The following GARRE1 variants were observed in gnomAD, a reference collection of about 807,000 sequenced individuals.
GARRE1 encodes granule associated Rac and RHOG effector protein 1.
A neutral mutation model predicts 103.2 loss-of-function variants in GARRE1; 49 were observed. The ratio of observed to expected loss-of-function variants is 0.47; its 90% CI spans 0.38 to 0.60. GARRE1 has a LOEUF of 0.60. GARRE1 is among the 20% of genes least tolerant of loss of function. The pLI is 0.00. For synonymous variants in GARRE1, 505 were observed against 532.8 expected (o/e 0.95, Z 0.72); for missense variants, 1,199 against 1,370.5 (o/e 0.87, Z 1.98).
intron 1 of GARRE1, among the ~76,000 whole-genome samples, chr19:34,271,953 A>G (rs138236390): frequency 1.5e-4 from 23 of 152,284 alleles, no homozygotes; most frequent in African/African-American, 5.1e-4. Flanking sequence ...CTGGAAGTCA[A>G]TTTCCTTGGA....
At chr19:34,323,459 AT>A (rs2074098761) in intron 3 of GARRE1, among the ~76,000 whole-genome samples, 1 of 151,828 alleles carries the variant, frequency 6.6e-6, no homozygotes, top group African/African-American at 2.4e-5. Context: ...CATTGTTGTC[AT>A]TTCTTTTTAA....
chr19:34,315,730 AAAG>A (rs1283120536), intron 2 of GARRE1, among the ~76,000 whole-genome samples: 4 of 151,694 alleles, frequency 2.6e-5, no homozygotes, highest in African/African-American at 7.3e-5. Flanking sequence ...AAAAAAAAAA[AAAG>A]GGTAGTTTTT....
chr19:34,291,906 C>T (rs2073920116), intron 1 of GARRE1, among the ~76,000 whole-genome samples: 1 of 151,244 alleles, frequency 6.6e-6, no homozygotes. Context: ...CTCGCCCAGG[C>T]TGGAGTACAG....
At chr19:34,305,442 T>C (rs2074003346) in intron 2 of GARRE1, among the ~76,000 whole-genome samples, 1 of 152,240 alleles carries the variant, frequency 6.6e-6, no homozygotes, top group Non-Finnish European at 1.5e-5. Flanking sequence ...CACCCCATGA[T>C]GACATAGCGC....
At chr19:34,333,582 A>G (rs531507294) in intron 7 of GARRE1, 122 bp from the exon 8 acceptor site, 77 of 645,016 alleles carry the variant, frequency 1.2e-4, no homozygotes, top group Non-Finnish European at 1.8e-4. Context: ...TGGCCTTGGC[A>G]TAACTAGGCT....
Position 34,352,965 on chromosome 19 carries a change from A to G in GARRE1, c.*10A>G, listed in dbSNP as rs1463692474. The G allele has an allele frequency of 5.6e-6, 8 of 1,418,472 alleles. No individual in the cohort carries two copies. The highest frequency in any genetic ancestry group is 2.3e-5 in the African/African-American group (1 of 44,392). 87.9% of individuals were successfully genotyped at this position (1,418,472 alleles called of 1,614,324 possible). A position where few individuals can be genotyped will look rare whatever the true frequency, so the allele number is the denominator to read the frequency against. ...TCTGCCCCAGTACTGACCCCAGGCCAGCCAGCCTGCCTGCCTGCCTGCCTG... is the reference window on the plus strand; with the variant it reads ...TCTGCCCCAGTACTGACCCCAGGCCGGCCAGCCTGCCTGCCTGCCTGCCTG... On this transcript the variant is annotated 3_prime_UTR_variant, in exon 14 of 14. Transcript: ENST00000299505.
rs551066124 is a variant in GARRE1 at position 34,269,302 on chromosome 19, T to TGTCTCCTTTCCCACTGCATCC, written c.-796+14689_-796+14709dup. On this transcript the variant is annotated intron_variant, in intron 1 of 13. Coordinates refer to ENST00000299505, the MANE Select transcript of GARRE1 (RefSeq NM_014686.5). ...ATTGGTAGCGAGCCGGTGCTGCATC[T>TGTCTCCTTTCCCACTGCATCC]GTCTCCTTTCCCACTGCATCCTGGG... 7.9e-5 allele frequency among the ~76,000 whole-genome samples: 12 copies of TGTCTCCTTTCCCACTGCATCC among 152,348 alleles called. No homozygotes were observed. The East Asian group carries it at 2.1e-3, about 27-fold the overall frequency.
intron 1 of GARRE1, among the ~76,000 whole-genome samples, chr19:34,267,831 T>TG (rs1415333992): frequency 1.3e-5 from 2 of 151,264 alleles, no homozygotes; most frequent in Non-Finnish European, 2.9e-5. Context: ...TGGAGTGCAG[T>TG]GGGGTAATCT....
intron 1 of GARRE1, among the ~76,000 whole-genome samples, chr19:34,284,687 A>C (rs1319066597): frequency 2.0e-5 from 3 of 152,190 alleles, no homozygotes; most frequent in Non-Finnish European, 4.4e-5. Context: ...GGTCTTTCAC[A>C]ATGCGTATTT....
Position 34,341,925 on chromosome 19 carries a change from G to A in GARRE1, c.1991G>A (p.Gly664Asp). ...SGFNMGQSHQ[G>D]SPLVTRHNSA... ...TTTAACATGGGCCAGTCACATCAGG[G>A]CTCTCCGTTGGTGACAAGGCATAAT... The change falls in exon 10 of 14, where the codon GGC (glycine) becomes GAC (aspartate). Residue 664 changes from glycine (G) to aspartate (D), a missense_variant. By Grantham distance (94) the Gly-to-Asp change is moderately conservative. Transcript: ENST00000299505. The A allele has an allele frequency of 1.2e-6, 2 of 1,614,144 alleles. No individual in the cohort carries two copies. Among genetic ancestry groups the A allele is most frequent in the Non-Finnish European group, 1.7e-6 (2 of 1,180,026 alleles).
At chr19:34,296,446 C>T in intron 1 of GARRE1, 1 of 1,589,698 alleles carries the variant, frequency 6.3e-7, no homozygotes, top group East Asian at 2.2e-5. Flanking sequence ...TTGGGGTGGG[C>T]AATGTAGGCA....
intron 13 of GARRE1, among the ~76,000 whole-genome samples, chr19:34,352,018 A>G (rs1568314724): frequency 6.6e-6 from 1 of 152,188 alleles, no homozygotes; most frequent in Non-Finnish European, 1.5e-5. Flanking sequence ...GGATGGCTTG[A>G]ACCCAGGAAT....
chr19:34,348,393 G>A (rs570407605), intron 11 of GARRE1: 5 of 195,412 alleles, frequency 2.6e-5, no homozygotes, highest in East Asian at 1.2e-4. Context: ...CGAAGCCCAC[G>A]TGATTTATGG....
chr19:34,350,830 C>T (rs1330884208), intron 12 of GARRE1, among the ~76,000 whole-genome samples: 4 of 152,116 alleles, frequency 2.6e-5, no homozygotes, highest in African/African-American at 9.6e-5. Flanking sequence ...ATCCACCTAC[C>T]TCGGCCTCCC....
rs2073875511 is a variant in GARRE1 at position 34,284,629 on chromosome 19, TAA to T, written c.-795-15049_-795-15048del. ...TGATTTTTTAAGTAGCATTAAAACT[TAA>T]GAGTACATGACAAATCTCACAAGTC... On this transcript the variant is annotated intron_variant, in intron 1 of 13. Coordinates refer to ENST00000299505, the MANE Select transcript of GARRE1 (RefSeq NM_014686.5). Among the ~76,000 whole-genome samples the T allele has an allele frequency of 2.0e-5, 3 of 152,218 alleles. No individual in the cohort carries two copies. The South Asian group carries it at 6.2e-4, about 32-fold the overall frequency.
chr19:34,315,704 C>A, intron 2 of GARRE1, among the ~76,000 whole-genome samples: 1 of 66,334 alleles, frequency 1.5e-5, no homozygotes, highest in African/African-American at 6.2e-5. Flanking sequence ...GAGCAAGACT[C>A]TGTCTCAAAA....
Position 34,300,764 on chromosome 19 carries a change from C to T in GARRE1, c.291C>T (p.Leu97=). Residue 97 remains leucine (L), a synonymous_variant, in exon 2 of 14, where the codon CTC becomes CTT. Coordinates refer to ENST00000299505, the MANE Select transcript of GARRE1 (RefSeq NM_014686.5). The stretch of plus-strand genomic sequence containing the variant: ...TCTTCTGCCGTGCCAGTACTTTCCT[C>T]ACAGATCTCTTCAGCACTGTGTTCA... ...LNVFCRASTF[L]TDLFSTVFRN... is the part of the protein sequence containing the mutation. 6.2e-7 allele frequency: 1 copy of T among 1,614,228 alleles called. No homozygotes were observed. Among genetic ancestry groups the T allele is most frequent in the Non-Finnish European group, 8.5e-7 (1 of 1,180,028 alleles).
At chr19:34,312,104 C>G (rs1258490627) in intron 2 of GARRE1, among the ~76,000 whole-genome samples, 1 of 152,130 alleles carries the variant, frequency 6.6e-6, no homozygotes, top group African/African-American at 2.4e-5. Context: ...GTGTGAGCCA[C>G]CATGCCTGGC....
intron 1 of GARRE1, among the ~76,000 whole-genome samples, chr19:34,264,039 T>C (rs2073736187): frequency 6.6e-6 from 1 of 152,114 alleles, no homozygotes; most frequent in Non-Finnish European, 1.5e-5. Context: ...CCAGGAGGTA[T>C]GTGTTTGTCG....
Sources: allele counts gnomAD v4.1 joint callset (sites outside exome capture counted in the v4.1 genomes callset), GRCh38; gene constraint gnomAD v4.1.1; transcripts MANE v1.5; gene names NCBI Gene and HGNC (gene_info 2026-07-23, HGNC 2026-07-21).